Variants in TMEM255A observed in about 807,000 individuals in gnomAD.
The protein encoded by TMEM255A is family with sequence similarity 70, member A.
TMEM255A carries 14 observed loss-of-function variants against 23.5 expected under a neutral mutation model. That is an observed-to-expected ratio of 0.60 (90% CI 0.39 to 0.93). The LOEUF (loss-of-function observed/expected upper bound fraction) is 0.93. TMEM255A is among the 40% of genes least tolerant of loss of function. The pLI, the probability that TMEM255A is intolerant of heterozygous loss-of-function variation, is 0.00. For synonymous variants in TMEM255A, 104 were observed against 100.3 expected, an observed-to-expected ratio of 1.04 and a Z score of -0.22; for missense variants, 233 against 261.7, an observed-to-expected ratio of 0.89 and a Z score of 0.76.
intron 8 of TMEM255A, among the ~76,000 whole-genome samples, chrX:120,266,153 C>CA (rs782105722): frequency 0.021 from 1,609 of 75,235 alleles, 27 homozygotes; most frequent in African/African-American, 0.058. Flanking sequence ...GACTCTGTCT[C>CA]AAAAAAAAAA....
At chrX:120,255,243 A>G (rs908747165), downstream of TMEM255A, 1 of 1,211,950 alleles carries the variant, frequency 8.3e-7, no homozygotes, top group African/African-American at 1.7e-5. Flanking sequence ...TATTCCTGCA[A>G]TGAAGGATGA....
chrX:120,276,810 T>C (rs1382050915), intron 7 of TMEM255A, 75 bp downstream of exon 7: 3 of 1,039,391 alleles, frequency 2.9e-6, no homozygotes, highest in Non-Finnish European at 3.9e-6. Context: ...GTGTCTGCAT[T>C]TCCCCCAACT....
chrX:120,255,244 T>A (rs782174447), downstream of TMEM255A: 1 of 1,210,153 alleles, frequency 8.3e-7, no homozygotes, highest in East Asian at 3.0e-5. Flanking sequence ...ATTCCTGCAA[T>A]GAAGGATGAT....
At chrX:120,292,546 G>T (rs1410346860) in intron 3 of TMEM255A, among the ~76,000 whole-genome samples, 7 of 110,875 alleles carry the variant, frequency 6.3e-5, no homozygotes, top group Non-Finnish European at 1.1e-4. Flanking sequence ...ATCACTTGAG[G>T]TCAGGAGCTC....
rs782416614 is a variant in TMEM255A, at chrX:120,260,250, A to AG, written c.*619dup. ...GCAAGAATATTGCACTTTTCCCTTT[A>AG]GGAGGTACCAATAACAAAAGCTGAG... On this transcript the variant is annotated 3_prime_UTR_variant, in exon 9 of 9. Coordinates refer to ENST00000371369, the MANE Select transcript of TMEM255A (RefSeq NM_001104544.3). 1.3e-6 allele frequency: 1 copy of AG among 741,992 alleles called. No individual in the cohort carries two copies. The highest frequency in any genetic ancestry group is 1.5e-4 in the East Asian group (1 of 6,576). 61.1% of individuals were successfully genotyped at this position (741,992 alleles called of 1,213,427 possible). A position where few individuals can be genotyped will look rare whatever the true frequency, so the allele number is the denominator to read the frequency against.
At chrX:120,277,697 G>C (rs976903287) in intron 6 of TMEM255A, among the ~76,000 whole-genome samples, 1 of 112,178 alleles carries the variant, frequency 8.9e-6, no homozygotes. Context: ...CTGAATTCAG[G>C]CTTCAAAGAC....
rs782103296 is a variant in TMEM255A at position 120,294,332 on chromosome X, G to A, written c.202-281C>T. ...GCCTGTAGTCCCAGCTACTTGGGAG[G>A]CTGAGGCAGGAGAATGGCGTGAACC... On this transcript the variant is annotated intron_variant, in intron 2 of 8. Transcript: ENST00000371369. 5.6e-5 allele frequency among the ~76,000 whole-genome samples: 6 copies of A among 106,606 alleles called. No homozygotes were observed. In the South Asian group the frequency reaches 2.2e-3, roughly 39 times the overall value. 92.6% of individuals were successfully genotyped at this position (106,606 alleles called of 115,157 possible).
chrX:120,295,772 C>A (rs1473663584), intron 2 of TMEM255A, among the ~76,000 whole-genome samples: 3 of 111,922 alleles, frequency 2.7e-5, no homozygotes, highest in African/African-American at 9.7e-5. Context: ...GTAGTGACTA[C>A]CTTATAGGGC....
chrX:120,279,201 C>T (rs1387533963), intron 6 of TMEM255A, among the ~76,000 whole-genome samples: 2 of 112,094 alleles, frequency 1.8e-5, no homozygotes, highest in African/African-American at 6.5e-5. Flanking sequence ...TCTTGAACTC[C>T]TGGCATCAAG....
intron 2 of TMEM255A, among the ~76,000 whole-genome samples, chrX:120,296,828 A>G (rs1449418784): frequency 5.8e-5 from 1 of 17,104 alleles, no homozygotes; most frequent in South Asian, 5.2e-3. Context: ...TATATAATAT[A>G]TATGATATAT....
At chrX:120,279,709 G>A (rs1193673934) in intron 6 of TMEM255A, among the ~76,000 whole-genome samples, 3 of 112,295 alleles carry the variant, frequency 2.7e-5, no homozygotes, top group Non-Finnish European at 3.8e-5. Flanking sequence ...GCTGACTCTA[G>A]CAACTTACTT....
chrX:120,275,699 A>T (rs1235581851), intron 7 of TMEM255A, among the ~76,000 whole-genome samples: 1 of 100,446 alleles, frequency 1.0e-5, no homozygotes, highest in African/African-American at 3.7e-5. Context: ...AAAAAAAAAA[A>T]ACCAAAAAAC....
intron 6 of TMEM255A, among the ~76,000 whole-genome samples, chrX:120,281,295 A>G (rs1457337062): frequency 8.9e-6 from 1 of 112,117 alleles, no homozygotes; most frequent in Non-Finnish European, 1.9e-5. Context: ...TGATTACCCA[A>G]TGTGGGCTTT....
At chrX:120,283,577 C>A (rs7063052) in intron 6 of TMEM255A, among the ~76,000 whole-genome samples, 14,070 of 110,925 alleles carry the variant, frequency 0.13, 692 homozygotes, top group East Asian at 0.25. Flanking sequence ...GCCCTCAGTT[C>A]GCCTTCACTA....
In TMEM255A at chrX:120,268,358, A is replaced by C. The variant is rs1428723636; in HGVS notation, c.705T>G (p.Ser235=). ...AAACTGTTGGATGGGTATTTTCAACAGAACAGTTCAGTGCTGGGAGAGTTG... is the reference window on the plus strand; with the variant it reads ...AAACTGTTGGATGGGTATTTTCAACCGAACAGTTCAGTGCTGGGAGAGTTG... The part of the protein sequence containing the change: ...MNPTLPALNC[S]VENTHPTVSY... Residue 235 remains serine (S), a synonymous_variant, in exon 8 of 9, where the codon TCT becomes TCG. Transcript: ENST00000371369. The C allele has an allele frequency of 2.5e-6, 3 of 1,207,916 alleles. No homozygotes were observed. Among genetic ancestry groups the C allele is most frequent in the Non-Finnish European group, 3.4e-6 (3 of 894,445 alleles).
At chrX:120,287,308 T>TACACACACACACACACAC (rs3842485) in intron 4 of TMEM255A, 86 bp from the exon 5 acceptor site, 18,889 of 451,632 alleles carry the variant, frequency 0.042, 651 homozygotes, top group African/African-American at 0.088. Flanking sequence ...AAGGTTTGAA[T>TACACACACACACACACAC]ACACACACAC....
intron 7 of TMEM255A, among the ~76,000 whole-genome samples, chrX:120,271,081 C>T (rs2057757008): frequency 9.0e-6 from 1 of 111,266 alleles, no homozygotes; most frequent in African/African-American, 3.3e-5. Flanking sequence ...TGATAGAGTT[C>T]CCGGGATTCA....
chrX:120,273,400 G>C, intron 7 of TMEM255A: 1 of 290,353 alleles, frequency 3.4e-6, no homozygotes, highest in Non-Finnish European at 6.5e-6. Context: ...AAGAAGCAAA[G>C]AAAAATTGGT....
At chrX:120,275,508 C>T (rs1053433806) in intron 7 of TMEM255A, among the ~76,000 whole-genome samples, 4 of 111,273 alleles carry the variant, frequency 3.6e-5, no homozygotes, top group African/African-American at 1.3e-4. Context: ...AACTGCCTTT[C>T]AGGTTCTGTT....
Sources: allele counts gnomAD v4.1 joint callset (sites outside exome capture counted in the v4.1 genomes callset), GRCh38; gene constraint gnomAD v4.1.1; transcripts MANE v1.5; gene names NCBI Gene and HGNC (gene_info 2026-07-23, HGNC 2026-07-21).